Variants in B3GALT1 observed in about 807,000 individuals in gnomAD.
The protein encoded by B3GALT1 is UDP-Gal:betaGlcNAc beta 1,3-galactosyltransferase, polypeptide 1.
B3GALT1 carries 10 observed loss-of-function variants against 23.2 expected under a neutral mutation model. The ratio of observed to expected loss-of-function variants is 0.43; its 90% CI spans 0.27 to 0.73. The LOEUF (loss-of-function observed/expected upper bound fraction) is 0.73. Ranked by LOEUF, B3GALT1 falls within the 30% of genes least tolerant of loss-of-function variation. The probability of loss-of-function intolerance (pLI) is 0.21; values close to 1 mark genes in which losing one functional copy is unlikely to be tolerated. For synonymous variants in B3GALT1, 156 were observed against 141.5 expected (o/e 1.10, Z -0.73); for missense variants, 299 against 405.4 (o/e 0.74, Z 2.25).
At chr2:167,519,863 A>C (rs1300559061) in intron 2 of B3GALT1, among the ~76,000 whole-genome samples, 1 of 151,934 alleles carries the variant, frequency 6.6e-6, no homozygotes, top group Non-Finnish European at 1.5e-5. Flanking sequence ...CTTAAGGTTA[A>C]GAGTTTGAGA....
chr2:167,653,023 C>T (rs1032131713), intron 3 of B3GALT1, among the ~76,000 whole-genome samples: 18 of 152,100 alleles, frequency 1.2e-4, no homozygotes, highest in Non-Finnish European at 2.1e-4. Context: ...ACCTGAGTGC[C>T]TACACATCCT....
chr2:167,585,498 T>A (rs1341820536), intron 2 of B3GALT1, among the ~76,000 whole-genome samples: 1 of 152,152 alleles, frequency 6.6e-6, no homozygotes, highest in Non-Finnish European at 1.5e-5. Context: ...AAATCCAAAT[T>A]AGATATAACT....
chr2:167,472,250 G>A (rs1284674650), intron 1 of B3GALT1, among the ~76,000 whole-genome samples: 1 of 152,136 alleles, frequency 6.6e-6, no homozygotes, highest in Non-Finnish European at 1.5e-5. Context: ...TCATACACAT[G>A]TATTTTTCAG....
chr2:167,422,726 A>C (rs1698566506), intron 1 of B3GALT1, among the ~76,000 whole-genome samples: 1 of 152,156 alleles, frequency 6.6e-6, no homozygotes, highest in Admixed American at 6.5e-5. Flanking sequence ...CAGCAGAGCC[A>C]AGACTGATGT....
At chr2:167,865,597 C>T (rs904469064) in intron 4 of B3GALT1, among the ~76,000 whole-genome samples, 3 of 152,128 alleles carry the variant, frequency 2.0e-5, no homozygotes, top group African/African-American at 4.8e-5. Context: ...CGAGACCCTC[C>T]TGGCTAACAC....
At chr2:167,363,817 T>G (rs977209756) in intron 1 of B3GALT1, among the ~76,000 whole-genome samples, 1 of 152,064 alleles carries the variant, frequency 6.6e-6, no homozygotes, top group African/African-American at 2.4e-5. Flanking sequence ...TCAAAACAGT[T>G]TTGCAATGAG....
intron 1 of B3GALT1, among the ~76,000 whole-genome samples, chr2:167,489,638 A>G (rs1699676929): frequency 6.6e-6 from 1 of 152,140 alleles, no homozygotes; most frequent in Non-Finnish European, 1.5e-5. Flanking sequence ...TCACGTCAGT[A>G]TTATTATAGA....
At chr2:167,867,078 C>T (rs1434383360) in intron 4 of B3GALT1, among the ~76,000 whole-genome samples, 2 of 152,130 alleles carry the variant, frequency 1.3e-5, no homozygotes, top group East Asian at 1.9e-4. Flanking sequence ...AGGCACCCGC[C>T]ACTACGCCTG....
intron 3 of B3GALT1, among the ~76,000 whole-genome samples, chr2:167,754,188 A>C (rs185046556): frequency 1.3e-5 from 2 of 152,228 alleles, no homozygotes; most frequent in Non-Finnish European, 2.9e-5. Context: ...ACTTGCTTAC[A>C]TTACATTTTC....
At chr2:167,631,956 A>C (rs1685456526) in intron 2 of B3GALT1, among the ~76,000 whole-genome samples, 2 of 147,994 alleles carry the variant, frequency 1.4e-5, no homozygotes, top group South Asian at 2.2e-4. Flanking sequence ...CCCCCCACCC[A>C]CTGACAGGCC....
chr2:167,486,231 T>C lies in B3GALT1; in HGVS notation c.-510-3946T>C, dbSNP rs1316634971. Among the ~76,000 whole-genome samples, 9 of 146,012 alleles carry C rather than the reference T, an allele frequency of 6.2e-5. No homozygotes were observed. In the East Asian group the frequency reaches 8.4e-4, roughly 14 times the overall value. On this transcript the variant is annotated intron_variant, in intron 1 of 4. Transcript: ENST00000392690. ...AAAATTAGCTGGGTGTGGTGGCGCA[T>C]GCCTGTAGTCCCAGCTACTCAGGAG...
chr2:167,697,379 T>C (rs1266558529), intron 3 of B3GALT1, among the ~76,000 whole-genome samples: 1 of 152,218 alleles, frequency 6.6e-6, no homozygotes, highest in African/African-American at 2.4e-5. Flanking sequence ...TGGGCTGTGA[T>C]GGTTGTTTGC....
intron 1 of B3GALT1, among the ~76,000 whole-genome samples, chr2:167,470,957 C>T (rs973267470): frequency 6.6e-6 from 1 of 152,222 alleles, no homozygotes; most frequent in East Asian, 1.9e-4. Flanking sequence ...AAACAGTTTC[C>T]GTGGGTTTTG....
intron 4 of B3GALT1, among the ~76,000 whole-genome samples, chr2:167,860,457 T>C (rs771024267): frequency 6.6e-6 from 1 of 152,162 alleles, no homozygotes; most frequent in Non-Finnish European, 1.5e-5. Context: ...AACTGCTTTA[T>C]CTTTCTTCAC....
intron 1 of B3GALT1, among the ~76,000 whole-genome samples, chr2:167,361,212 GTTTTTTTT>G (rs66780629): frequency 2.9e-5 from 3 of 104,214 alleles, no homozygotes; most frequent in African/African-American, 3.4e-5. Flanking sequence ...TCCCCCACTA[GTTTTTTTT>G]TTTTTTTTTT....
At chr2:167,603,985 C>T (rs1011348220) in intron 2 of B3GALT1, among the ~76,000 whole-genome samples, 4 of 150,838 alleles carry the variant, frequency 2.7e-5, no homozygotes, top group African/African-American at 9.8e-5. Flanking sequence ...TCAATTAAAA[C>T]AACTCAATGA....
chr2:167,493,819 T>C (rs552620106), intron 2 of B3GALT1, among the ~76,000 whole-genome samples: 2 of 152,280 alleles, frequency 1.3e-5, no homozygotes, highest in South Asian at 4.1e-4. Flanking sequence ...TGGATCCTTG[T>C]TTAAATTTCA....
At chr2:167,550,089 T>C (rs1683719196) in intron 2 of B3GALT1, among the ~76,000 whole-genome samples, 1 of 152,226 alleles carries the variant, frequency 6.6e-6, no homozygotes, top group Non-Finnish European at 1.5e-5. Context: ...TCACTAACTC[T>C]ACGTTAACCG....
At chr2:167,615,024 A>G (rs562746710) in intron 2 of B3GALT1, among the ~76,000 whole-genome samples, 8 of 152,044 alleles carry the variant, frequency 5.3e-5, no homozygotes, top group Non-Finnish European at 1.2e-4. Flanking sequence ...TGTTTTGAAA[A>G]TGGACTGCCT....
Sources: allele counts gnomAD v4.1 joint callset (sites outside exome capture counted in the v4.1 genomes callset), GRCh38; gene constraint gnomAD v4.1.1; transcripts MANE v1.5; gene names NCBI Gene and HGNC (gene_info 2026-07-23, HGNC 2026-07-21).